Variants in PMM2 observed in about 807,000 individuals in gnomAD.
PMM2 encodes the protein phosphomannomutase 2, also known as mannose-6-phosphate isomerase.
In PMM2, 35 loss-of-function variants were observed where a neutral mutation model predicts 33.2. The ratio of observed to expected loss-of-function variants is 1.06; its 90% CI spans 0.81 to 1.40. The LOEUF (loss-of-function observed/expected upper bound fraction) is 1.40, where lower values mean the gene tolerates loss of function less well. Among genes scored for constraint, PMM2 ranks in the 40% most tolerant of loss-of-function variants. The pLI, the probability that PMM2 is intolerant of heterozygous loss-of-function variation, is 0.00. For synonymous variants in PMM2, 153 were observed against 114.7 expected (o/e 1.33, Z -2.13); for missense variants, 386 against 306.0 (o/e 1.26, Z -1.95).
intron 7 of PMM2, among the ~76,000 whole-genome samples, chr16:8,844,617 C>A (rs1191402822): frequency 1.3e-5 from 2 of 152,216 alleles, no homozygotes; most frequent in Admixed American, 1.3e-4. Context: ...GGTGTCCCTG[C>A]GTGGTCTGAC....
At chr16:8,837,350 A>G (rs964071618) in intron 7 of PMM2, among the ~76,000 whole-genome samples, 2 of 152,040 alleles carry the variant, frequency 1.3e-5, no homozygotes, top group African/African-American at 4.8e-5. Flanking sequence ...TATTGGGGTC[A>G]AGTGGAATTG....
chr16:8,801,612 C>T (rs910381397), intron 1 of PMM2, among the ~76,000 whole-genome samples, 187 bp from the exon 2 acceptor site: 2 of 152,076 alleles, frequency 1.3e-5, no homozygotes, highest in Admixed American at 6.5e-5. Context: ...GTCGAGGCTG[C>T]GATGAGCTAT....
intron 7 of PMM2, among the ~76,000 whole-genome samples, chr16:8,842,556 C>T (rs574034591): frequency 6.6e-6 from 1 of 152,038 alleles, no homozygotes; most frequent in Non-Finnish European, 1.5e-5. Flanking sequence ...TGCAGGGGAA[C>T]GCTGAAAGAA....
chr16:8,833,461 G>T (rs1390238977), intron 7 of PMM2, among the ~76,000 whole-genome samples: 1 of 152,080 alleles, frequency 6.6e-6, no homozygotes, highest in Non-Finnish European at 1.5e-5. Context: ...GGGCTCAGAG[G>T]CCTGACATTC....
chr16:8,828,307 C>T (rs1249270942), intron 7 of PMM2, among the ~76,000 whole-genome samples: 1 of 151,734 alleles, frequency 6.6e-6, no homozygotes, highest in Non-Finnish European at 1.5e-5. Context: ...GCAAGCTGTC[C>T]ATGGTGGGGA....
chr16:8,815,530 C>T (rs1172473299), intron 7 of PMM2, among the ~76,000 whole-genome samples: 1 of 152,034 alleles, frequency 6.6e-6, no homozygotes, highest in Non-Finnish European at 1.5e-5. Flanking sequence ...CGTGCCCGGT[C>T]AGAATATACT....
intron 7 of PMM2, among the ~76,000 whole-genome samples, chr16:8,819,841 C>A (rs142918719): frequency 6.6e-6 from 1 of 152,348 alleles, no homozygotes; most frequent in Non-Finnish European, 1.5e-5. Context: ...GCAGCATCCT[C>A]CCTCTTACAG....
chr16:8,806,720 A>G (rs924849761), intron 4 of PMM2: 15 of 421,220 alleles, frequency 3.6e-5, no homozygotes, highest in Admixed American at 1.4e-4. Flanking sequence ...CACAAAGCCA[A>G]CAGTACAAGA....
chr16:8,811,033 T>C (rs1255719349), intron 4 of PMM2, 46 bp from the exon 5 acceptor site: 4 of 1,179,036 alleles, frequency 3.4e-6, no homozygotes, highest in South Asian at 1.3e-5. Flanking sequence ...GTTGCCCAAA[T>C]GAATAACGTG....
At chr16:8,798,002 C>A in intron 1 of PMM2, 54 bp downstream of exon 1, 1 of 1,536,212 alleles carries the variant, frequency 6.5e-7, no homozygotes, top group South Asian at 1.2e-5. Flanking sequence ...GTGCTGTTCC[C>A]AGTTGGGGCT....
intron 7 of PMM2, among the ~76,000 whole-genome samples, chr16:8,822,861 A>G (rs558232776): frequency 9.8e-5 from 15 of 152,316 alleles, no homozygotes; most frequent in African/African-American, 3.1e-4. Context: ...ATTCTCATCT[A>G]TAGTTTTAAC....
chr16:8,816,047 A>G lies in PMM2; in HGVS notation c.639+2941A>G, dbSNP rs570256817. Among the ~76,000 whole-genome samples, 3 of 152,348 alleles carry G rather than the reference A, an allele frequency of 2.0e-5. No individual in the cohort carries two copies. In the South Asian group the frequency reaches 6.2e-4, roughly 32 times the overall value. ...TGCAGATGGCCAGTGGGTATATAAA[A>G]AAAGGCTCAACATCAGTGTTCAGGG... is the stretch of plus-strand genomic sequence containing the variant. On this transcript the variant is annotated intron_variant, in intron 7 of 7. Coordinates refer to ENST00000268261, the MANE Select transcript of PMM2 (RefSeq NM_000303.3).
At chr16:8,818,421 C>T (rs1318181640) in intron 7 of PMM2, among the ~76,000 whole-genome samples, 1 of 152,238 alleles carries the variant, frequency 6.6e-6, no homozygotes, top group African/African-American at 2.4e-5. Context: ...CTTCAAACAA[C>T]CTATCAGTTC....
At chr16:8,802,558 G>A (rs1332093057) in intron 2 of PMM2, among the ~76,000 whole-genome samples, 5 of 152,224 alleles carry the variant, frequency 3.3e-5, no homozygotes, top group Non-Finnish European at 7.3e-5. Context: ...GCCAGGCGCG[G>A]TGGCTCACGC....
intron 1 of PMM2, among the ~76,000 whole-genome samples, chr16:8,800,665 C>CTTTTT (rs35148703): frequency 1.0e-3 from 127 of 126,556 alleles, no homozygotes; most frequent in Middle Eastern, 4.0e-3. Flanking sequence ...TAAGCTTCTC[C>CTTTTT]TTTTTTTTTT....
chr16:8,808,182 G>A (rs758417745), intron 4 of PMM2: 1 of 152,206 alleles, frequency 6.6e-6, no homozygotes, highest in Non-Finnish European at 1.5e-5. Flanking sequence ...TTAGCCGAGG[G>A]GGAGGCCTGC....
intron 3 of PMM2, among the ~76,000 whole-genome samples, chr16:8,805,103 G>T (rs562020751): frequency 2.0e-5 from 3 of 152,166 alleles, no homozygotes; most frequent in Non-Finnish European, 4.4e-5. Context: ...CCAGGCTGGA[G>T]CTGGAGTGCA....
At chr16:8,825,755 T>TA (rs1491552326) in intron 7 of PMM2, among the ~76,000 whole-genome samples, 51 of 86,240 alleles carry the variant, frequency 5.9e-4, no homozygotes, top group Non-Finnish European at 7.7e-4. Context: ...AATAAAACAC[T>TA]ATTTTTTTTT....
chr16:8,825,975 C>T (rs2060765506), intron 7 of PMM2, among the ~76,000 whole-genome samples: 1 of 152,000 alleles, frequency 6.6e-6, no homozygotes. Flanking sequence ...AGGCTGGTTT[C>T]GAACTTCTGA....
Sources: allele counts gnomAD v4.1 joint callset (sites outside exome capture counted in the v4.1 genomes callset), GRCh38; gene constraint gnomAD v4.1.1; transcripts MANE v1.5; gene names NCBI Gene and HGNC (gene_info 2026-07-23, HGNC 2026-07-21).